The following UNC13C variants were observed in gnomAD, a reference collection of about 807,000 sequenced individuals.
UNC13C encodes the protein protein unc-13 homolog C.
A neutral mutation model predicts 245.4 loss-of-function variants in UNC13C; 174 were observed. The ratio of observed to expected loss-of-function variants is 0.71; its 90% confidence interval spans 0.63 to 0.80. UNC13C has a LOEUF of 0.80. UNC13C is among the 30% of genes least tolerant of loss of function. The pLI is 0.00. For synonymous variants in UNC13C, 992 were observed against 895.1 expected (o/e 1.11, Z -1.93); for missense variants, 2,829 against 2,602.9 (o/e 1.09, Z -1.89).
rs568413212 is a variant in UNC13C, at chr15:54,594,841, G to C, written c.6106+26894G>C. 2.0e-5 allele frequency among the ~76,000 whole-genome samples: 3 copies of C among 152,330 alleles called. No individual in the cohort carries two copies. In the South Asian group the frequency reaches 6.2e-4, roughly 32 times the overall value. On this transcript the variant is annotated intron_variant, in intron 30 of 32. Transcript: ENST00000260323. ...CCACACCACCCAGTGGGTACCCCGA[G>C]TCCAGAAGAGACAAAGGAGTTAGAG...
intron 2 of UNC13C, among the ~76,000 whole-genome samples, chr15:54,037,878 T>A (rs533934523): frequency 6.8e-6 from 1 of 147,686 alleles, no homozygotes; most frequent in South Asian, 2.1e-4. Context: ...ATATAAAATT[T>A]AGCAAATATA....
chr15:53,900,963 A>G, the UNC13C span, among the ~76,000 whole-genome samples: 1 of 152,130 alleles, frequency 6.6e-6, no homozygotes, highest in Non-Finnish European at 1.5e-5. Flanking sequence ...TTACCAAAAG[A>G]TGAATTTAAA....
intron 24 of UNC13C, among the ~76,000 whole-genome samples, chr15:54,520,026 G>A (rs762978948): frequency 1.2e-4 from 19 of 152,196 alleles, no homozygotes; most frequent in Non-Finnish European, 2.2e-4. Flanking sequence ...GTTGCTTGAA[G>A]CAATTCCCTG....
intron 17 of UNC13C, among the ~76,000 whole-genome samples, chr15:54,367,813 A>G (rs186393542): frequency 5.9e-5 from 9 of 152,116 alleles, no homozygotes; most frequent in Non-Finnish European, 1.3e-4. Context: ...ACTATCCAAT[A>G]TGGAAGCCTC....
At chr15:53,841,151 C>A in the UNC13C span, among the ~76,000 whole-genome samples, 2 of 151,948 alleles carry the variant, frequency 1.3e-5, no homozygotes, top group South Asian at 4.2e-4. Context: ...TTTCCAAGAA[C>A]CTTAGAAAAT....
At chr15:54,626,099 CAAG>C (rs1901123390) in intron 32 of UNC13C, among the ~76,000 whole-genome samples, 1 of 152,060 alleles carries the variant, frequency 6.6e-6, no homozygotes, top group African/African-American at 2.4e-5. Flanking sequence ...ATTAGAAAAT[CAAG>C]AATATGAGAA....
intron 2 of UNC13C, among the ~76,000 whole-genome samples, chr15:54,035,815 C>T (rs750308197): frequency 7.2e-5 from 11 of 152,236 alleles, no homozygotes; most frequent in Non-Finnish European, 1.6e-4. Flanking sequence ...AGCCGAGCCA[C>T]TTACAGAAAA....
chr15:54,514,862 A>C (rs932251450), intron 24 of UNC13C, among the ~76,000 whole-genome samples: 3 of 152,190 alleles, frequency 2.0e-5, no homozygotes, highest in African/African-American at 7.2e-5. Flanking sequence ...TTCCAAAAAC[A>C]GTCACTTAAG....
intron 4 of UNC13C, among the ~76,000 whole-genome samples, chr15:54,175,167 A>C (rs2033563830): frequency 6.6e-6 from 1 of 152,180 alleles, no homozygotes; most frequent in African/African-American, 2.4e-5. Flanking sequence ...GCAGAAACTA[A>C]CTTACCATGG....
chr15:54,409,592 C>T (rs1443479485), intron 18 of UNC13C, among the ~76,000 whole-genome samples: 1 of 152,082 alleles, frequency 6.6e-6, no homozygotes, highest in Non-Finnish European at 1.5e-5. Context: ...CATATGCACT[C>T]GATATTTAGC....
At chr15:54,305,210 G>T (rs2037694986) in intron 13 of UNC13C, among the ~76,000 whole-genome samples, 1 of 152,080 alleles carries the variant, frequency 6.6e-6, no homozygotes, top group Non-Finnish European at 1.5e-5. Flanking sequence ...TTCTCCTAGT[G>T]TGTTTCTAGA....
rs1436218773 is a variant in UNC13C at position 54,017,166 on chromosome 15, T to A, written c.2983+1280T>A. Among the ~76,000 whole-genome samples, 3 of 152,216 alleles carry A rather than the reference T, an allele frequency of 2.0e-5. No individual in the cohort carries two copies. The East Asian group carries it at 5.8e-4, about 29-fold the overall frequency. The stretch of plus-strand genomic sequence containing the variant: ...ACAGTTTATGTAATTTATTTAGGAA[T>A]GATATAAGTCAAAGGGATCTTGAAT... On this transcript the variant is annotated intron_variant, in intron 2 of 32. Transcript: ENST00000260323.
intron 10 of UNC13C, among the ~76,000 whole-genome samples, chr15:54,291,093 A>G (rs1156582122): frequency 1.3e-5 from 2 of 151,990 alleles, no homozygotes; most frequent in Non-Finnish European, 2.9e-5. Context: ...CTTCTTTTTG[A>G]TAGCAAAGAA....
chr15:54,340,751 C>G (rs2038708863), intron 17 of UNC13C, among the ~76,000 whole-genome samples: 1 of 151,986 alleles, frequency 6.6e-6, no homozygotes, highest in Non-Finnish European at 1.5e-5. Context: ...TTTGCTTAGT[C>G]TTGCTTTGGC....
chr15:53,987,958 T>C (rs927541355), intron 1 of UNC13C, among the ~76,000 whole-genome samples: 3 of 151,988 alleles, frequency 2.0e-5, no homozygotes, highest in Non-Finnish European at 4.4e-5. Flanking sequence ...GCAGGAGAAA[T>C]GAAGTTCAGT....
At chr15:54,261,609 C>G (rs1001157476) in intron 8 of UNC13C, among the ~76,000 whole-genome samples, 3 of 152,218 alleles carry the variant, frequency 2.0e-5, no homozygotes, top group African/African-American at 7.2e-5. Context: ...GTGGCGCCAT[C>G]TGGGCTCACT....
chr15:53,917,010 A>G, the UNC13C span, among the ~76,000 whole-genome samples: 837 of 152,356 alleles, frequency 5.5e-3, 10 homozygotes, highest in African/African-American at 0.019. Flanking sequence ...TGACCAGACT[A>G]TGATTTGAAA....
intron 17 of UNC13C, among the ~76,000 whole-genome samples, chr15:54,343,656 T>C (rs546483631): frequency 6.6e-6 from 1 of 152,288 alleles, no homozygotes; most frequent in South Asian, 2.1e-4. Flanking sequence ...TCAAATATGA[T>C]CTTTGTCAAA....
chr15:54,422,090 C>T (rs1161092869), intron 19 of UNC13C, among the ~76,000 whole-genome samples: 1 of 151,980 alleles, frequency 6.6e-6, no homozygotes, highest in Non-Finnish European at 1.5e-5. Flanking sequence ...AACCCTATTC[C>T]TCTCTTGGTC....
Sources: gnomAD v4.1 joint callset for allele counts (sites outside exome capture counted in the v4.1 genomes callset) on GRCh38, gnomAD v4.1.1 for gene constraint, MANE v1.5 for transcripts, NCBI Gene and HGNC (gene_info 2026-07-23, HGNC 2026-07-21) for gene names.